BMPR1B: variants seen among roughly 807,000 people sequenced by gnomAD.
BMPR1B encodes the protein bone morphogenetic protein receptor type 1B.
Under a neutral mutation model 59.1 loss-of-function variants are expected in BMPR1B, and 12 were observed. The observed-to-expected ratio is 0.20, with a 90% CI of 0.13 to 0.33. BMPR1B has a LOEUF of 0.33. Ranked by LOEUF, BMPR1B falls within the 10% of genes least tolerant of loss-of-function variation. The pLI is 1.00. For synonymous variants in BMPR1B, 237 were observed against 207.3 expected (o/e 1.14, Z -1.23); for missense variants, 550 against 610.9 (o/e 0.90, Z 1.05).
chr4:94,787,142 T>C (rs961411578), intron 1 of BMPR1B, among the ~76,000 whole-genome samples: 5 of 152,180 alleles, frequency 3.3e-5, no homozygotes, highest in Non-Finnish European at 5.9e-5. Context: ...TGATGGCAGA[T>C]GGGTCATCTT....
Position 94,985,658 on chromosome 4 carries a change from G to A in BMPR1B, c.-112-10382G>A, listed in dbSNP as rs566256657. 2.0e-5 allele frequency among the ~76,000 whole-genome samples: 3 copies of A among 152,076 alleles called. No individual in the cohort carries two copies. The South Asian group carries it at 6.2e-4, about 32-fold the overall frequency. ...TCCTATAGGAAAATAATTTTGCTGA[G>A]ATTTGTTCCTGTGGTGTTACTGAAA... On this transcript the variant is annotated intron_variant, in intron 2 of 12. Coordinates refer to ENST00000515059, the MANE Select transcript of BMPR1B (RefSeq NM_001203.3).
chr4:95,020,515 G>C (rs1242854350), intron 3 of BMPR1B, among the ~76,000 whole-genome samples: 1 of 150,524 alleles, frequency 6.6e-6, no homozygotes, highest in Admixed American at 6.7e-5. Context: ...GGAGGCAGAG[G>C]TTGCAGTGAG....
intron 3 of BMPR1B, among the ~76,000 whole-genome samples, chr4:94,997,511 A>G (rs1211973701): frequency 2.0e-5 from 3 of 152,226 alleles, no homozygotes; most frequent in South Asian, 2.1e-4. Flanking sequence ...AAATGATGCA[A>G]AATGTTTCAA....
At chr4:94,909,806 G>A (rs1384977011) in intron 2 of BMPR1B, among the ~76,000 whole-genome samples, 1 of 152,012 alleles carries the variant, frequency 6.6e-6, no homozygotes, top group Non-Finnish European at 1.5e-5. Context: ...ACCACTGCAC[G>A]GATGAATGGC....
chr4:94,912,160 A>G (rs1328780706), intron 2 of BMPR1B, among the ~76,000 whole-genome samples: 1 of 152,076 alleles, frequency 6.6e-6, no homozygotes, highest in Non-Finnish European at 1.5e-5. Flanking sequence ...GTATGGGGGA[A>G]AGCACCCCCA....
At chr4:95,071,652 G>GTGTATATATATATATATA (rs59539011) in intron 3 of BMPR1B, among the ~76,000 whole-genome samples, 1 of 84,342 alleles carries the variant, frequency 1.2e-5, no homozygotes, top group Non-Finnish European at 2.5e-5. Flanking sequence ...GTGTGTGTGT[G>GTGTATATATATATATATA]TATATATATA....
chr4:95,136,523 A>G (rs1481803096), intron 10 of BMPR1B, among the ~76,000 whole-genome samples: 2 of 152,128 alleles, frequency 1.3e-5, no homozygotes, highest in Non-Finnish European at 2.9e-5. Context: ...GAATTCAACC[A>G]TGAATCCATG....
intron 2 of BMPR1B, among the ~76,000 whole-genome samples, chr4:94,964,579 T>A (rs1191619246): frequency 6.6e-6 from 1 of 152,168 alleles, no homozygotes; most frequent in Non-Finnish European, 1.5e-5. Flanking sequence ...AGAATCTTTC[T>A]TCAAATAAAT....
intron 2 of BMPR1B, among the ~76,000 whole-genome samples, chr4:94,926,277 GT>G (rs1296588871): frequency 6.6e-6 from 1 of 151,840 alleles, no homozygotes; most frequent in African/African-American, 2.4e-5. Flanking sequence ...CTGAATAGAT[GT>G]TTTATAGGTT....
At chr4:95,027,827 A>T (rs1468346287) in intron 3 of BMPR1B, among the ~76,000 whole-genome samples, 2 of 152,176 alleles carry the variant, frequency 1.3e-5, no homozygotes, top group Non-Finnish European at 2.9e-5. Flanking sequence ...TGGCAGTGCT[A>T]ATAATGACCT....
At chr4:95,074,618 A>G (rs922904817) in intron 3 of BMPR1B, among the ~76,000 whole-genome samples, 10 of 152,108 alleles carry the variant, frequency 6.6e-5, no homozygotes, top group Admixed American at 2.0e-4. Context: ...TCTTGGTTCT[A>G]ATATGATACA....
intron 10 of BMPR1B, among the ~76,000 whole-genome samples, chr4:95,139,562 C>T (rs1734060646): frequency 6.6e-6 from 1 of 152,148 alleles, no homozygotes; most frequent in Non-Finnish European, 1.5e-5. Flanking sequence ...GTGGGCTCCA[C>T]CCAGTTTGAG....
At chr4:94,779,380 T>A (rs1297148842) in intron 1 of BMPR1B, among the ~76,000 whole-genome samples, 3 of 152,244 alleles carry the variant, frequency 2.0e-5, no homozygotes, top group African/African-American at 7.2e-5. Context: ...GTCTGGTTTT[T>A]ATTCTTGTGG....
At chr4:94,993,594 C>A (rs150796180) in intron 2 of BMPR1B, among the ~76,000 whole-genome samples, 74 of 151,880 alleles carry the variant, frequency 4.9e-4, no homozygotes, top group Non-Finnish European at 9.1e-4. Context: ...ACACCCATCT[C>A]TACTAAAAAT....
At chr4:95,137,939 T>C (rs528430164) in intron 10 of BMPR1B, among the ~76,000 whole-genome samples, 1 of 152,174 alleles carries the variant, frequency 6.6e-6, no homozygotes, top group Non-Finnish European at 1.5e-5. Flanking sequence ...GTGAGTTTGA[T>C]CCTGTCATTA....
At chr4:94,787,924 T>C (rs940533187) in intron 1 of BMPR1B, among the ~76,000 whole-genome samples, 2 of 151,974 alleles carry the variant, frequency 1.3e-5, no homozygotes, top group Middle Eastern at 3.2e-3. Flanking sequence ...GGATAGGAGG[T>C]TTGAGTGGCC....
intron 2 of BMPR1B, among the ~76,000 whole-genome samples, chr4:94,947,867 A>G (rs1729779152): frequency 6.6e-6 from 1 of 152,166 alleles, no homozygotes; most frequent in Non-Finnish European, 1.5e-5. Context: ...CCTTACATTT[A>G]CCTAGCAAGT....
chr4:95,054,045 G>A (rs891179089), intron 3 of BMPR1B, among the ~76,000 whole-genome samples: 3 of 152,132 alleles, frequency 2.0e-5, no homozygotes, highest in Non-Finnish European at 2.9e-5. Context: ...TGACAAAGCC[G>A]AGATTAATAT....
intron 2 of BMPR1B, among the ~76,000 whole-genome samples, chr4:94,929,953 A>T (rs1336997175): frequency 6.6e-6 from 1 of 152,074 alleles, no homozygotes; most frequent in Non-Finnish European, 1.5e-5. Flanking sequence ...GCAGAAACCT[A>T]GGAATTGTCC....
Sources: gnomAD v4.1 joint callset for allele counts (sites outside exome capture counted in the v4.1 genomes callset) on GRCh38, gnomAD v4.1.1 for gene constraint, MANE v1.5 for transcripts, NCBI Gene and HGNC (gene_info 2026-07-23, HGNC 2026-07-21) for gene names.